PDE7B: variants seen among roughly 807,000 people sequenced by gnomAD.
The protein encoded by PDE7B is 3',5'-cyclic-AMP phosphodiesterase 7B.
A neutral mutation model predicts 56.2 loss-of-function variants in PDE7B; 29 were observed. The ratio of observed to expected loss-of-function variants is 0.52; its 90% confidence interval spans 0.38 to 0.70. The LOEUF (loss-of-function observed/expected upper bound fraction) is 0.70. Ranked by LOEUF, PDE7B falls within the 30% of genes least tolerant of loss-of-function variation. The pLI, the probability that PDE7B is intolerant of heterozygous loss-of-function variation, is 0.00. For missense variants in PDE7B, 490 were observed against 565.0 expected, an observed-to-expected ratio of 0.87 and a Z score of 1.35; for synonymous variants, 197 against 196.9, an observed-to-expected ratio of 1.00 and a Z score of 0.00.
At chr6:136,059,839 A>G (rs1200788297) in intron 2 of PDE7B, among the ~76,000 whole-genome samples, 1 of 152,192 alleles carries the variant, frequency 6.6e-6, no homozygotes, top group Non-Finnish European at 1.5e-5. Flanking sequence ...TTAAGAAAAT[A>G]GTGAAGGTGG....
intron 1 of PDE7B, among the ~76,000 whole-genome samples, chr6:135,923,485 C>T (rs1037607932): frequency 2.0e-5 from 3 of 152,020 alleles, no homozygotes; most frequent in African/African-American, 7.3e-5. Flanking sequence ...ATTAGTAAAG[C>T]TTCATAAACA....
rs1299500007 is a variant in PDE7B, at chr6:136,178,652, C to CA, written c.804-344dup. On this transcript the variant is annotated intron_variant, in intron 9 of 12. Transcript: ENST00000308191. ...CATCTTCATGTTTGAACTCTAAAAA[C>CA]ACACCGCCAATCTCATGATTCTACA... 2.3e-4 allele frequency among the ~76,000 whole-genome samples: 35 copies of CA among 152,198 alleles called. 1 individual carries two copies. Among genetic ancestry groups the CA allele is most frequent in the Admixed American group, 2.2e-3 (33 of 15,278 alleles).
intron 2 of PDE7B, among the ~76,000 whole-genome samples, chr6:136,106,141 G>C (rs1371785422): frequency 6.6e-6 from 1 of 152,164 alleles, no homozygotes; most frequent in Non-Finnish European, 1.5e-5. Flanking sequence ...TACAGCAACA[G>C]GTCAACAAAT....
At chr6:136,113,214 C>T (rs1777777394) in intron 3 of PDE7B, among the ~76,000 whole-genome samples, 1 of 152,062 alleles carries the variant, frequency 6.6e-6, no homozygotes, top group Non-Finnish European at 1.5e-5. Flanking sequence ...TTTACTTAGC[C>T]ATTCCACAAT....
At chr6:135,911,791 A>ATTG (rs377052258) in intron 1 of PDE7B, among the ~76,000 whole-genome samples, 14 of 152,324 alleles carry the variant, frequency 9.2e-5, no homozygotes, top group African/African-American at 3.4e-4. Context: ...GATGTACTAC[A>ATTG]AGACTTCAAA....
In PDE7B at chr6:136,037,684, C is replaced by T. The variant is rs947661304; in HGVS notation, c.83-71047C>T. The T allele has an allele frequency of 8.1e-6, 8 of 985,344 alleles. 1 individual carries two copies. In the African/African-American group the frequency reaches 1.4e-4, roughly 17 times the overall value. 61.0% of individuals were successfully genotyped at this position (985,344 alleles called of 1,614,324 possible). ...ACAGGGGTGACTCCTCACCTGACACCTCCAGATAACTGGCCTCCAGCAAGG... is the reference window on the plus strand; with the variant it reads ...ACAGGGGTGACTCCTCACCTGACACTTCCAGATAACTGGCCTCCAGCAAGG... On this transcript the variant is annotated intron_variant, in intron 2 of 12. Transcript: ENST00000308191.
intron 2 of PDE7B, among the ~76,000 whole-genome samples, chr6:135,948,892 T>TAGAC (rs1190437739): frequency 9.9e-4 from 43 of 43,584 alleles, no homozygotes; most frequent in African/African-American, 2.4e-3. Flanking sequence ...GATAGATAGA[T>TAGAC]AGATAGACAG....
chr6:135,881,450 A>G (rs7762761), intron 1 of PDE7B, among the ~76,000 whole-genome samples: 27,552 of 151,976 alleles, frequency 0.18, 5,329 homozygotes, highest in African/African-American at 0.49. Context: ...AGACGTTGCA[A>G]TGAGCTGAGA....
intron 1 of PDE7B, among the ~76,000 whole-genome samples, chr6:135,916,224 T>C (rs1383572163): frequency 6.6e-6 from 1 of 152,138 alleles, no homozygotes; most frequent in Non-Finnish European, 1.5e-5. Context: ...TCTGTTTTGT[T>C]GTTGTTGTTG....
At chr6:136,098,165 T>TATAC (rs1427365380) in intron 2 of PDE7B, 8 of 124,276 alleles carry the variant, frequency 6.4e-5, no homozygotes, top group African/African-American at 2.0e-4. Flanking sequence ...TGTATATATA[T>TATAC]ACACACACAC....
At chr6:135,972,785 C>G (rs1323234775) in intron 2 of PDE7B, among the ~76,000 whole-genome samples, 1 of 151,976 alleles carries the variant, frequency 6.6e-6, no homozygotes, top group East Asian at 1.9e-4. Context: ...AAAAGAAAAC[C>G]CAAGACAGAT....
intron 2 of PDE7B, among the ~76,000 whole-genome samples, chr6:136,105,159 C>T (rs1012652287): frequency 2.0e-5 from 3 of 152,198 alleles, no homozygotes; most frequent in Admixed American, 1.3e-4. Flanking sequence ...CTTGCTTGTA[C>T]AGCCCATTTC....
In PDE7B at chr6:136,145,901, C is replaced by A. The variant is rs148853324; in HGVS notation, c.167-1450C>A. 3.9e-4 allele frequency among the ~76,000 whole-genome samples: 59 copies of A among 152,276 alleles called. 1 individual carries two copies. The highest frequency in any genetic ancestry group is 2.4e-3 in the Admixed American group (36 of 15,278). On this transcript the variant is annotated intron_variant, in intron 3 of 12. Transcript: ENST00000308191. ...TTCAAGTTTTTATCTCAAGCCCAGT[C>A]TTCTCCCTCAAGCTCTGGATTTTAT...
intron 2 of PDE7B, among the ~76,000 whole-genome samples, chr6:136,088,503 C>A (rs1296002162): frequency 1.3e-5 from 2 of 152,124 alleles, no homozygotes; most frequent in South Asian, 4.1e-4. Context: ...AGTCTTCAAA[C>A]TTTTGAAGAC....
At chr6:136,155,910 T>C (rs1778595611) in intron 8 of PDE7B, 152 bp downstream of exon 8, 1 of 876,356 alleles carries the variant, frequency 1.1e-6, no homozygotes, top group African/African-American at 1.7e-5. Flanking sequence ...CAAAAATTTG[T>C]TCAAACTCAG....
chr6:136,065,042 C>T (rs1354879483), intron 2 of PDE7B, among the ~76,000 whole-genome samples: 1 of 152,210 alleles, frequency 6.6e-6, no homozygotes, highest in Non-Finnish European at 1.5e-5. Flanking sequence ...TATATCTAAT[C>T]ATTGCCAGAG....
Position 136,192,010 on chromosome 6 carries a change from T to A in PDE7B, c.*170T>A. On this transcript the variant is annotated 3_prime_UTR_variant, in exon 13 of 13. Transcript: ENST00000308191. Reference sequence around the variant, plus strand: ...CTGCCTCCCCTCCTTTTCGCAAATGTACAGAAGCCATTTGTCACCTCAGCA... The same window carrying A: ...CTGCCTCCCCTCCTTTTCGCAAATGAACAGAAGCCATTTGTCACCTCAGCA... The A allele has an allele frequency of 1.6e-6, 1 of 610,618 alleles. No homozygotes were observed. Among genetic ancestry groups the A allele is most frequent in the Non-Finnish European group, 2.9e-6 (1 of 345,824 alleles). The allele number at this position is 610,618 out of a possible 1,614,324, so 37.8% of individuals were successfully genotyped here. A position where few individuals can be genotyped will look rare whatever the true frequency, so the allele number is the denominator to read the frequency against.
At chr6:135,947,568 C>A (rs370825251) in intron 2 of PDE7B, 44 bp downstream of exon 2, 11 of 1,378,844 alleles carry the variant, frequency 8.0e-6, no homozygotes, top group Non-Finnish European at 1.1e-5. Flanking sequence ...ATGTTGATGT[C>A]ATGTGGAGTT....
In PDE7B at chr6:135,993,513, C is replaced by G. The variant is rs981412761; in HGVS notation, c.82+45989C>G. 4.6e-5 allele frequency among the ~76,000 whole-genome samples: 7 copies of G among 152,260 alleles called. No individual in the cohort carries two copies. In the East Asian group the frequency reaches 1.2e-3, roughly 25 times the overall value. On this transcript the variant is annotated intron_variant, in intron 2 of 12. Transcript: ENST00000308191. ...AGCGCCCCTGATACAGCTGAGAAGGCAGCAAGACTGTTATAAGCTGGCACA... is the reference window on the plus strand; with the variant it reads ...AGCGCCCCTGATACAGCTGAGAAGGGAGCAAGACTGTTATAAGCTGGCACA...
Sources: allele counts gnomAD v4.1 joint callset (sites outside exome capture counted in the v4.1 genomes callset), GRCh38; gene constraint gnomAD v4.1.1; transcripts MANE v1.5; gene names NCBI Gene and HGNC (gene_info 2026-07-23, HGNC 2026-07-21).